The following RALGAPA1 variants were observed in gnomAD, a reference collection of about 807,000 sequenced individuals.
The protein encoded by RALGAPA1 is ral GTPase-activating protein subunit alpha-1.
Under a neutral mutation model 269.6 loss-of-function variants are expected in RALGAPA1, and 52 were observed. That is an observed-to-expected ratio of 0.19 (90% confidence interval 0.15 to 0.24). The LOEUF (loss-of-function observed/expected upper bound fraction) is 0.24, where lower values mean the gene tolerates loss of function less well. RALGAPA1 is among the 10% of genes least tolerant of loss of function. The pLI is 1.00. For missense variants in RALGAPA1, 1,917 were observed against 3,013.9 expected, an observed-to-expected ratio of 0.64 and a Z score of 8.52; for synonymous variants, 817 against 1,008.3, an observed-to-expected ratio of 0.81 and a Z score of 3.60.
intron 38 of RALGAPA1, 51 bp from the exon 39 acceptor site, chr14:35,570,795 T>A (rs2057127452): frequency 6.5e-7 from 1 of 1,528,348 alleles, no homozygotes; most frequent in African/African-American, 1.4e-5. Flanking sequence ...AGACAGATTG[T>A]AAATAAGAGC....
intron 31 of RALGAPA1, among the ~76,000 whole-genome samples, chr14:35,648,699 G>A (rs1169647271): frequency 6.6e-6 from 1 of 152,160 alleles, no homozygotes; most frequent in Non-Finnish European, 1.5e-5. Context: ...TTTGGGGGCT[G>A]AGGTGGGAGG....
At chr14:35,582,433 A>G (rs2139631513) in intron 37 of RALGAPA1, among the ~76,000 whole-genome samples, 1 of 152,352 alleles carries the variant, frequency 6.6e-6, no homozygotes, top group East Asian at 1.9e-4. Flanking sequence ...TAGCATCATC[A>G]GAGACATGAA....
At chr14:35,724,352 A>G (rs2069695938) in intron 14 of RALGAPA1, among the ~76,000 whole-genome samples, 1 of 152,198 alleles carries the variant, frequency 6.6e-6, no homozygotes, top group African/African-American at 2.4e-5. Context: ...GCCAAGAATT[A>G]GATCTGAGAC....
At chr14:35,766,950 TG>T (rs2074209434) in intron 4 of RALGAPA1, 1 of 383,690 alleles carries the variant, frequency 2.6e-6, no homozygotes, top group Non-Finnish European at 5.1e-6. Flanking sequence ...CCCACAGGGC[TG>T]CCGTTTACTG....
intron 39 of RALGAPA1, among the ~76,000 whole-genome samples, chr14:35,551,443 CAGG>C (rs1183558649): frequency 3.3e-5 from 5 of 152,096 alleles, no homozygotes; most frequent in African/African-American, 1.2e-4. Context: ...TGAAGGCCCA[CAGG>C]AGAACAGTCT....
intron 41 of RALGAPA1, among the ~76,000 whole-genome samples, chr14:35,547,119 A>G (rs1947656469): frequency 6.6e-6 from 1 of 152,168 alleles, no homozygotes; most frequent in South Asian, 2.1e-4. Flanking sequence ...TCTTAAATGC[A>G]GTGACAACTC....
At chr14:35,794,614 G>A (rs1450064916) in intron 1 of RALGAPA1, among the ~76,000 whole-genome samples, 3 of 152,122 alleles carry the variant, frequency 2.0e-5, no homozygotes, top group East Asian at 1.9e-4. Context: ...CCGCCACGGC[G>A]CCCGGCTAAT....
At chr14:35,644,518 TATG>T (rs1828488995) in intron 31 of RALGAPA1, among the ~76,000 whole-genome samples, 1 of 152,148 alleles carries the variant, frequency 6.6e-6, no homozygotes, top group African/African-American at 2.4e-5. Flanking sequence ...CCAAATAACT[TATG>T]AACACATTTT....
intron 1 of RALGAPA1, among the ~76,000 whole-genome samples, chr14:35,784,283 T>C (rs892186329): frequency 3.9e-5 from 6 of 152,210 alleles, no homozygotes; most frequent in African/African-American, 1.4e-4. Flanking sequence ...GAATATTATC[T>C]AGCCGTAAAA....
intron 35 of RALGAPA1, among the ~76,000 whole-genome samples, chr14:35,606,517 G>C (rs1199117810): frequency 6.6e-6 from 1 of 152,194 alleles, no homozygotes; most frequent in East Asian, 1.9e-4. Context: ...ATGCAGCTTG[G>C]TTTACAAATA....
chr14:35,677,411 A>T (rs1303967239), intron 22 of RALGAPA1: 1 of 153,618 alleles, frequency 6.5e-6, no homozygotes, highest in African/African-American at 2.4e-5. Flanking sequence ...AAATAACTTT[A>T]AAAAAAACTT....
At chr14:35,754,084 T>G (rs1361108336) in intron 7 of RALGAPA1, among the ~76,000 whole-genome samples, 1 of 152,160 alleles carries the variant, frequency 6.6e-6, no homozygotes, top group Admixed American at 6.6e-5. Flanking sequence ...ACATTGCTCA[T>G]ACATCAGAAT....
At chr14:35,545,016 C>T (rs2054327136) in intron 41 of RALGAPA1, among the ~76,000 whole-genome samples, 1 of 152,084 alleles carries the variant, frequency 6.6e-6, no homozygotes, top group East Asian at 1.9e-4. Context: ...CACTGCACTC[C>T]AGCCTCTGTC....
At chr14:35,589,530 T>G (rs1379566844) in intron 37 of RALGAPA1, among the ~76,000 whole-genome samples, 4 of 152,108 alleles carry the variant, frequency 2.6e-5, no homozygotes, top group African/African-American at 7.2e-5. Flanking sequence ...CAATTTCAAT[T>G]TATCAATTAA....
intron 26 of RALGAPA1, among the ~76,000 whole-genome samples, chr14:35,669,226 T>C (rs2064199172): frequency 6.6e-6 from 1 of 152,194 alleles, no homozygotes; most frequent in South Asian, 2.1e-4. Context: ...TACAAATCCT[T>C]ATAAAATAAT....
chr14:35,649,650 T>C lies in RALGAPA1; in HGVS notation c.5676+2155A>G, dbSNP rs752118033. 4.6e-5 allele frequency among the ~76,000 whole-genome samples: 7 copies of C among 152,224 alleles called. No homozygotes were observed. The East Asian group carries it at 5.8e-4, about 13-fold the overall frequency. On this transcript the variant is annotated intron_variant, in intron 31 of 41. Coordinates refer to ENST00000680220, the MANE Select transcript of RALGAPA1 (RefSeq NM_001346249.2). ...TTTCTGATTCTACTGTTTGTCTCTA[T>C]TTATGTCTCTATTTAACTTTAAAAG...
At chr14:35,682,564 C>G (rs2065545865) in intron 21 of RALGAPA1, among the ~76,000 whole-genome samples, 1 of 152,144 alleles carries the variant, frequency 6.6e-6, no homozygotes, top group Non-Finnish European at 1.5e-5. Flanking sequence ...CCTCGGCTCC[C>G]CAAAGTGCTG....
At chr14:35,549,370 G>T in intron 39 of RALGAPA1, 136 bp from the exon 40 acceptor site, 1 of 873,402 alleles carries the variant, frequency 1.1e-6, no homozygotes, top group Non-Finnish European at 1.6e-6. Flanking sequence ...CTTATATATT[G>T]TTAACAGTAT....
At chr14:35,607,051 C>T (rs566135356) in intron 35 of RALGAPA1, among the ~76,000 whole-genome samples, 5 of 152,258 alleles carry the variant, frequency 3.3e-5, no homozygotes, top group African/African-American at 1.2e-4. Context: ...GAATAAGGGT[C>T]TACACAGCCT....
Sources: allele counts gnomAD v4.1 joint callset (sites outside exome capture counted in the v4.1 genomes callset), GRCh38; gene constraint gnomAD v4.1.1; transcripts MANE v1.5; gene names NCBI Gene and HGNC (gene_info 2026-07-23, HGNC 2026-07-21).